The following GABRB3 variants were observed in gnomAD, a reference collection of about 807,000 sequenced individuals.
GABRB3 encodes the protein gamma-aminobutyric acid receptor subunit beta-3.
Under a neutral mutation model 52.1 loss-of-function variants are expected in GABRB3, and 14 were observed. That is an observed-to-expected ratio of 0.27 (90% CI 0.18 to 0.42). The LOEUF is 0.42. Ranked by LOEUF, GABRB3 falls within the 10% of genes least tolerant of loss-of-function variation. The probability of loss-of-function intolerance (pLI) is 1.00; values close to 1 mark genes in which losing one functional copy is unlikely to be tolerated. For synonymous variants in GABRB3, 260 were observed against 232.3 expected (o/e 1.12, Z -1.08); for missense variants, 307 against 609.1 (o/e 0.50, Z 5.22).
intron 3 of GABRB3, among the ~76,000 whole-genome samples, chr15:26,725,861 C>T (rs924199809): frequency 3.9e-5 from 6 of 152,084 alleles, no homozygotes; most frequent in African/African-American, 1.4e-4. Flanking sequence ...TATGTTGAAC[C>T]ATCAAAAATC....
intron 3 of GABRB3, among the ~76,000 whole-genome samples, chr15:26,701,561 C>G (rs1051078774): frequency 6.6e-6 from 1 of 152,116 alleles, no homozygotes; most frequent in South Asian, 2.1e-4. Flanking sequence ...TGGAAACCAG[C>G]AAATATTTCA....
At chr15:26,590,599 T>C (rs1253040157) in intron 4 of GABRB3, among the ~76,000 whole-genome samples, 1 of 152,230 alleles carries the variant, frequency 6.6e-6, no homozygotes, top group African/African-American at 2.4e-5. Context: ...TGTTATTCAA[T>C]GTGAAGAAGT....
intron 3 of GABRB3, among the ~76,000 whole-genome samples, chr15:26,697,826 G>A (rs1888790735): frequency 6.6e-6 from 1 of 152,134 alleles, no homozygotes; most frequent in South Asian, 2.1e-4. Context: ...TGAGGACCAG[G>A]CAACCACGCT....
At chr15:26,764,958 G>A (rs750267003) in intron 3 of GABRB3, among the ~76,000 whole-genome samples, 3 of 151,804 alleles carry the variant, frequency 2.0e-5, no homozygotes, top group East Asian at 2.0e-4. Flanking sequence ...GTGAAAACCC[G>A]TCTCTACTAA....
chr15:26,551,612 C>T (rs1449709283), intron 8 of GABRB3, among the ~76,000 whole-genome samples: 2 of 152,180 alleles, frequency 1.3e-5, no homozygotes, highest in Non-Finnish European at 2.9e-5. Context: ...CTAGCAGGAG[C>T]GTCCACACTG....
intron 3 of GABRB3, among the ~76,000 whole-genome samples, chr15:26,660,827 T>C (rs1887518122): frequency 6.6e-6 from 1 of 152,176 alleles, no homozygotes. Flanking sequence ...TATAAAGATA[T>C]TTGTTTGGTT....
chr15:26,564,604 C>T (rs1299414139), intron 7 of GABRB3, among the ~76,000 whole-genome samples: 1 of 151,950 alleles, frequency 6.6e-6, no homozygotes, highest in Non-Finnish European at 1.5e-5. Flanking sequence ...GTGTATTGAT[C>T]ACAGTGCAGT....
chr15:26,649,722 G>A (rs1237610348), intron 3 of GABRB3, among the ~76,000 whole-genome samples: 1 of 148,654 alleles, frequency 6.7e-6, no homozygotes. Context: ...GGGAGAGAGA[G>A]AGAAGATAAG....
intron 3 of GABRB3, among the ~76,000 whole-genome samples, chr15:26,743,201 T>C (rs1274913184): frequency 6.6e-6 from 1 of 152,158 alleles, no homozygotes; most frequent in East Asian, 1.9e-4. Context: ...GCGCTGGGAT[T>C]ACAGGTGTGA....
intron 6 of GABRB3, among the ~76,000 whole-genome samples, chr15:26,574,971 A>G (rs1347507493): frequency 3.3e-5 from 5 of 152,180 alleles, no homozygotes; most frequent in Admixed American, 6.5e-5. Flanking sequence ...CACATCAACT[A>G]TAAGACATGC....
chr15:26,772,636 G>T (rs1446523586), intron 2 of GABRB3, 45 bp downstream of exon 2: 1 of 1,497,608 alleles, frequency 6.7e-7, no homozygotes, highest in South Asian at 1.2e-5. Context: ...GGCCGCCGCC[G>T]CCGTGGGTCG....
intron 8 of GABRB3, among the ~76,000 whole-genome samples, chr15:26,555,288 G>A (rs1395942481): frequency 6.6e-6 from 1 of 152,158 alleles, no homozygotes; most frequent in Non-Finnish European, 1.5e-5. Context: ...GGCATTCTAG[G>A]TAGAGAGGAC....
chr15:26,543,646 A>C lies in GABRB3; in HGVS notation c.*4147T>G, dbSNP rs112027673. The C allele has an allele frequency of 3.9e-5, 6 of 152,768 alleles. 1 individual carries two copies. Among genetic ancestry groups the C allele is most frequent in the African/African-American group, 9.6e-5 (4 of 41,580 alleles). The allele number at this position is 152,768 out of a possible 1,614,324, so 9.5% of individuals were successfully genotyped here. On this transcript the variant is annotated 3_prime_UTR_variant, in exon 9 of 9. Coordinates refer to ENST00000311550, the MANE Select transcript of GABRB3 (RefSeq NM_000814.6). ...TTTTGCTGTTTTTTCATGTCAAATAATACCAAAAAATTACATCAATGTGCT... is the reference window on the plus strand; with the variant it reads ...TTTTGCTGTTTTTTCATGTCAAATACTACCAAAAAATTACATCAATGTGCT...
At chr15:26,580,502 T>A in intron 5 of GABRB3, 46 bp from the exon 6 acceptor site, 2 of 1,612,328 alleles carry the variant, frequency 1.2e-6, no homozygotes, top group Non-Finnish European at 1.7e-6. Flanking sequence ...CCATTTCGTA[T>A]AAATGCACGG....
intron 2 of GABRB3, 27 bp downstream of exon 2, chr15:26,772,654 C>T (rs1156471546): frequency 1.3e-6 from 2 of 1,538,848 alleles, no homozygotes; most frequent in Non-Finnish European, 1.8e-6. Context: ...TCGCGCTTCC[C>T]GCAACGGCCG....
intron 3 of GABRB3, among the ~76,000 whole-genome samples, chr15:26,643,201 G>A (rs367978974): frequency 6.6e-6 from 1 of 152,174 alleles, no homozygotes; most frequent in Admixed American, 6.5e-5. Context: ...CTATATGACA[G>A]TTCACCGAGG....
chr15:26,678,988 C>A (rs1448011863), intron 3 of GABRB3, among the ~76,000 whole-genome samples: 1 of 152,086 alleles, frequency 6.6e-6, no homozygotes, highest in African/African-American at 2.4e-5. Flanking sequence ...CTGTTCTCTG[C>A]AAAGACCCAC....
At chr15:26,558,259 G>A (rs561718181) in intron 8 of GABRB3, among the ~76,000 whole-genome samples, 2 of 152,282 alleles carry the variant, frequency 1.3e-5, no homozygotes, top group South Asian at 4.1e-4. Context: ...TTTATTCACA[G>A]ACCCTCAGTT....
chr15:26,767,637 C>G (rs1275196802), intron 3 of GABRB3, among the ~76,000 whole-genome samples: 1 of 152,124 alleles, frequency 6.6e-6, no homozygotes, highest in Non-Finnish European at 1.5e-5. Context: ...CTACATGGAC[C>G]CCTGGGATTC....
Sources: allele counts gnomAD v4.1 joint callset (sites outside exome capture counted in the v4.1 genomes callset), GRCh38; gene constraint gnomAD v4.1.1; transcripts MANE v1.5; gene names NCBI Gene and HGNC (gene_info 2026-07-23, HGNC 2026-07-21).